Variants in AP3B1 observed in about 807,000 individuals in gnomAD.
AP3B1 encodes the protein adaptor related protein complex 3 subunit beta 1.
A neutral mutation model predicts 132.5 loss-of-function variants in AP3B1; 61 were observed. That is an observed-to-expected ratio of 0.46 (90% CI 0.37 to 0.57). The LOEUF is 0.57. Ranked by LOEUF, AP3B1 falls within the 20% of genes least tolerant of loss-of-function variation. The probability of loss-of-function intolerance (pLI) is 0.00; values close to 1 mark genes in which losing one functional copy is unlikely to be tolerated. For synonymous variants in AP3B1, 388 were observed against 438.3 expected (o/e 0.89, Z 1.43); for missense variants, 1,120 against 1,289.4 (o/e 0.87, Z 2.01).
intron 22 of AP3B1, among the ~76,000 whole-genome samples, chr5:78,082,837 C>T (rs539130939): frequency 4.0e-4 from 60 of 150,318 alleles, no homozygotes; most frequent in African/African-American, 1.3e-3. Flanking sequence ...TTTTTTTAGA[C>T]GGAGTTTCGC....
chr5:78,141,082 G>C (rs1753125008), intron 15 of AP3B1, 61 bp downstream of exon 15: 3 of 1,506,280 alleles, frequency 2.0e-6, no homozygotes, highest in African/African-American at 2.7e-5. Flanking sequence ...GACCCCCGCT[G>C]TTTGATCAGA....
intron 7 of AP3B1, among the ~76,000 whole-genome samples, chr5:78,193,771 T>TATATATA (rs1491367040): frequency 3.8e-5 from 3 of 78,100 alleles, no homozygotes; most frequent in African/African-American, 5.7e-5. Flanking sequence ...TATATATATA[T>TATATATA]TTTTTTTTTA....
intron 26 of AP3B1, among the ~76,000 whole-genome samples, chr5:78,015,151 C>G (rs926536268): frequency 1.3e-5 from 2 of 151,960 alleles, no homozygotes; most frequent in African/African-American, 4.8e-5. Flanking sequence ...TATAAATTAC[C>G]AAGCTATTAT....
At chr5:78,254,838 T>C (rs905264937) in intron 2 of AP3B1, among the ~76,000 whole-genome samples, 19 of 152,290 alleles carry the variant, frequency 1.2e-4, no homozygotes, top group African/African-American at 4.6e-4. Flanking sequence ...ACTATTCTTA[T>C]CCTGAGTAGA....
chr5:78,252,060 C>T (rs913639406), intron 2 of AP3B1, among the ~76,000 whole-genome samples: 2 of 152,136 alleles, frequency 1.3e-5, no homozygotes, highest in East Asian at 1.9e-4. Context: ...TACTCCCAGA[C>T]GACATTCCTA....
chr5:78,113,870 C>T lies in AP3B1; in HGVS notation c.2131G>A (p.Asp711Asn), dbSNP rs374928061. ...TCCTCACTGCTGTCCTCATTGCTGT[C>T]TCCTTCCTCCCCACTTTCGCCTTGT... ...GEQGESGEEG[D>N]SNEDSSEDSS... The change falls in exon 19 of 27, where the codon GAC becomes AAC. Residue 711 changes from aspartate (D) to asparagine (N), a missense_variant. Asp to Asn is a conservative substitution (Grantham distance 23). Transcript: ENST00000255194. 1.2e-6 allele frequency: 2 copies of T among 1,614,216 alleles called. No individual in the cohort carries two copies. Among genetic ancestry groups the T allele is most frequent in the African/African-American group, 1.3e-5 (1 of 75,050 alleles).
intron 14 of AP3B1, among the ~76,000 whole-genome samples, chr5:78,154,951 C>T (rs1743086108): frequency 6.6e-6 from 1 of 152,208 alleles, no homozygotes; most frequent in East Asian, 1.9e-4. Flanking sequence ...AGTATTGGCC[C>T]CTGACGCCTT....
Position 78,217,623 on chromosome 5 carries a change from T to A in AP3B1, c.604-1386A>T, listed in dbSNP as rs924622032. On this transcript the variant is annotated intron_variant, in intron 6 of 26. Coordinates refer to ENST00000255194, the MANE Select transcript of AP3B1 (RefSeq NM_003664.5). The stretch of plus-strand genomic sequence containing the variant: ...TTTCTTTAGAAATTACATTTTGTGA[T>A]AATTACATTTCTATAAAGTGACAAT... 2.6e-5 allele frequency among the ~76,000 whole-genome samples: 4 copies of A among 152,274 alleles called. No individual in the cohort carries two copies. The East Asian group carries it at 5.8e-4, about 22-fold the overall frequency.
chr5:78,013,913 C>T (rs1746734302), intron 26 of AP3B1, among the ~76,000 whole-genome samples: 2 of 152,142 alleles, frequency 1.3e-5, no homozygotes, highest in Admixed American at 6.5e-5. Context: ...CCTGTAATCC[C>T]AGCACTTTGG....
intron 20 of AP3B1, among the ~76,000 whole-genome samples, chr5:78,109,507 C>T (rs1449788727): frequency 6.6e-6 from 1 of 152,036 alleles, no homozygotes; most frequent in East Asian, 1.9e-4. Flanking sequence ...AAATACTATA[C>T]TTGAAGTCTA....
At chr5:78,064,684 G>C (rs1042588417) in intron 22 of AP3B1, among the ~76,000 whole-genome samples, 11 of 152,144 alleles carry the variant, frequency 7.2e-5, no homozygotes, top group African/African-American at 2.7e-4. Context: ...AGCTTACCAT[G>C]CTGTATTTTT....
At chr5:78,048,813 T>C (rs1381205660) in intron 22 of AP3B1, among the ~76,000 whole-genome samples, 3 of 152,176 alleles carry the variant, frequency 2.0e-5, no homozygotes, top group East Asian at 1.9e-4. Context: ...CTAGTTCAAA[T>C]TGGGATTCTA....
At chr5:78,224,918 T>C (rs1028173323) in intron 6 of AP3B1, among the ~76,000 whole-genome samples, 1 of 151,892 alleles carries the variant, frequency 6.6e-6, no homozygotes, top group African/African-American at 2.4e-5. Flanking sequence ...AGGCATAAGA[T>C]CAGCAAAGTA....
chr5:78,015,830 T>C, intron 25 of AP3B1: 1 of 375,812 alleles, frequency 2.7e-6, no homozygotes, highest in South Asian at 2.5e-5. Flanking sequence ...ACATATGAAA[T>C]ATCAATTTCA....
intron 2 of AP3B1, among the ~76,000 whole-genome samples, chr5:78,244,847 T>A (rs1747306431): frequency 6.6e-6 from 1 of 151,872 alleles, no homozygotes; most frequent in Non-Finnish European, 1.5e-5. Flanking sequence ...ATACAAAAAT[T>A]AGCTGGGTGT....
intron 7 of AP3B1, among the ~76,000 whole-genome samples, chr5:78,213,219 C>T (rs1052902523): frequency 1.3e-5 from 2 of 152,104 alleles, no homozygotes; most frequent in Non-Finnish European, 2.9e-5. Context: ...CATGTGTAGT[C>T]GCTAAAAAGT....
chr5:78,128,255 C>T (rs2112299133), intron 16 of AP3B1, 95 bp from the exon 17 acceptor site: 1 of 1,146,230 alleles, frequency 8.7e-7, no homozygotes, highest in African/African-American at 1.5e-5. Context: ...GGCATATTAC[C>T]TCAAATGTCA....
At chr5:78,174,674 G>A (rs555707283) in intron 11 of AP3B1, among the ~76,000 whole-genome samples, 1 of 152,300 alleles carries the variant, frequency 6.6e-6, no homozygotes, top group South Asian at 2.1e-4. Context: ...TAGGCTACAC[G>A]GGGGTCAGGG....
intron 22 of AP3B1, among the ~76,000 whole-genome samples, chr5:78,064,469 T>A (rs1045495156): frequency 6.6e-6 from 1 of 152,206 alleles, no homozygotes; most frequent in Non-Finnish European, 1.5e-5. Flanking sequence ...AAAATTGAAA[T>A]GAGCCTCTTG....
Sources: gnomAD v4.1 joint callset for allele counts (sites outside exome capture counted in the v4.1 genomes callset) on GRCh38, gnomAD v4.1.1 for gene constraint, MANE v1.5 for transcripts, NCBI Gene and HGNC (gene_info 2026-07-23, HGNC 2026-07-21) for gene names.